Variants in TAMM41 observed in about 807,000 individuals in gnomAD.
TAMM41 encodes phosphatidate cytidylyltransferase, mitochondrial.
TAMM41 carries 36 observed loss-of-function variants against 44.1 expected under a neutral mutation model. That is an observed-to-expected ratio of 0.82 (90% CI 0.63 to 1.08). TAMM41 has a LOEUF of 1.08. Ranked by LOEUF, TAMM41 falls within the 50% of genes least tolerant of loss-of-function variation. The probability of loss-of-function intolerance (pLI) is 0.00; values close to 1 mark genes in which losing one functional copy is unlikely to be tolerated. For missense variants in TAMM41, 417 were observed against 404.3 expected (o/e 1.03, Z -0.27); for synonymous variants, 164 against 153.1 (o/e 1.07, Z -0.53).
the TAMM41 span, among the ~76,000 whole-genome samples, chr3:11,724,536 C>T: frequency 5.3e-5 from 8 of 152,148 alleles, no homozygotes; most frequent in African/African-American, 1.4e-4. Flanking sequence ...CTGCCTCAGC[C>T]TCCTGAGTAG....
chr3:11,795,414 C>G (rs1407799512), intron 7 of TAMM41, among the ~76,000 whole-genome samples: 2 of 152,156 alleles, frequency 1.3e-5, no homozygotes, highest in East Asian at 3.8e-4. Context: ...TCACCAAGAC[C>G]CAGTCGTTCC....
chr3:11,817,166 A>G (rs1264885889), intron 5 of TAMM41, 26 bp downstream of exon 5: 9 of 1,598,286 alleles, frequency 5.6e-6, no homozygotes, highest in Non-Finnish European at 6.8e-6. Flanking sequence ...TAGAAACAAT[A>G]CAAGCTATTT....
the TAMM41 span, among the ~76,000 whole-genome samples, chr3:11,722,766 C>CGA: frequency 5.3e-5 from 8 of 151,864 alleles, no homozygotes; most frequent in Non-Finnish European, 1.2e-4. Flanking sequence ...GTCAGGAGTT[C>CGA]AAGTCCAGGC....
At chr3:11,764,864 T>G in the TAMM41 span, among the ~76,000 whole-genome samples, 2 of 152,228 alleles carry the variant, frequency 1.3e-5, no homozygotes, top group African/African-American at 4.8e-5. Flanking sequence ...TATACAAACC[T>G]TTTCATATAT....
Position 11,829,880 on chromosome 3 carries a change from C to T in TAMM41, c.412-16G>A, listed in dbSNP as rs1259722056. The T allele has an allele frequency of 3.7e-6, 6 of 1,612,790 alleles. No individual in the cohort carries two copies. The highest frequency in any genetic ancestry group is 2.7e-5 in the African/African-American group (2 of 74,896). The stretch of plus-strand genomic sequence containing the variant: ...TAATTTTCACCTGAAAGAAGCAGAA[C>T]ATTGGGAAGAAAAATTCCAGAAGTG... On this transcript the variant is annotated splice_polypyrimidine_tract_variant and intron_variant, in intron 3 of 7. Coordinates refer to ENST00000455809, the MANE Select transcript of TAMM41 (RefSeq NM_001284401.2).
the TAMM41 span, among the ~76,000 whole-genome samples, chr3:11,731,897 T>C: frequency 1.3e-5 from 2 of 149,348 alleles, no homozygotes; most frequent in Non-Finnish European, 1.5e-5. Context: ...TTTTTTGAGA[T>C]GGAGTCTCAC....
chr3:11,790,709 A>C (rs1220441522), intron 7 of TAMM41, 128 bp from the exon 8 acceptor site: 1 of 736,580 alleles, frequency 1.4e-6, no homozygotes, highest in Non-Finnish European at 2.3e-6. Context: ...TGGCTCTAGG[A>C]GACCAGGGAG....
At chr3:11,762,168 T>C in the TAMM41 span, among the ~76,000 whole-genome samples, 139 of 152,210 alleles carry the variant, frequency 9.1e-4, no homozygotes, top group South Asian at 1.5e-3. Context: ...CGCAGAAATA[T>C]GTATTACATG....
intron 7 of TAMM41, among the ~76,000 whole-genome samples, chr3:11,806,938 T>C (rs1412212661): frequency 6.6e-6 from 1 of 152,066 alleles, no homozygotes; most frequent in Non-Finnish European, 1.5e-5. Flanking sequence ...AGCAATGATC[T>C]CAAAATTTTA....
chr3:11,735,441 C>T, the TAMM41 span, among the ~76,000 whole-genome samples: 87 of 151,976 alleles, frequency 5.7e-4, no homozygotes, highest in Admixed American at 5.6e-3. Context: ...TGAGACCAAC[C>T]TGGGCAACAT....
intron 3 of TAMM41, among the ~76,000 whole-genome samples, chr3:11,834,304 A>C (rs1238813901): frequency 6.6e-6 from 1 of 152,376 alleles, no homozygotes; most frequent in South Asian, 2.1e-4. Flanking sequence ...TGAATACATT[A>C]AATCAAAATC....
intron 6 of TAMM41, chr3:11,808,694 A>G: frequency 1.1e-6 from 1 of 874,658 alleles, no homozygotes; most frequent in Non-Finnish European, 1.4e-6. Context: ...CTTAAAGGGA[A>G]GTTAGTCTCT....
At chr3:11,729,914 T>G in the TAMM41 span, among the ~76,000 whole-genome samples, 1 of 152,124 alleles carries the variant, frequency 6.6e-6, no homozygotes, top group Non-Finnish European at 1.5e-5. Flanking sequence ...TGTGATCCTA[T>G]GAAGAAGATT....
At chr3:11,766,779 AG>A in the TAMM41 span, among the ~76,000 whole-genome samples, 1 of 151,976 alleles carries the variant, frequency 6.6e-6, no homozygotes, top group South Asian at 2.1e-4. Context: ...TTTGTTGCCC[AG>A]GCTGGTCTCA....
At chr3:11,843,347 G>C (rs1414400457) in intron 2 of TAMM41, among the ~76,000 whole-genome samples, 1 of 152,210 alleles carries the variant, frequency 6.6e-6, no homozygotes, top group Non-Finnish European at 1.5e-5. Context: ...AACTCTGGGG[G>C]TGGGGCCCAG....
chr3:11,743,494 G>A, the TAMM41 span, among the ~76,000 whole-genome samples: 1 of 151,740 alleles, frequency 6.6e-6, no homozygotes, highest in East Asian at 1.9e-4. Flanking sequence ...CCACCATGCC[G>A]GGTCAATTTT....
the TAMM41 span, among the ~76,000 whole-genome samples, chr3:11,761,122 C>T: frequency 4.0e-5 from 6 of 149,578 alleles, no homozygotes; most frequent in East Asian, 1.0e-3. Context: ...GAGCCGAGAT[C>T]GGGCCACTGC....
intron 7 of TAMM41, among the ~76,000 whole-genome samples, chr3:11,795,821 T>C (rs1207673453): frequency 6.6e-6 from 1 of 152,206 alleles, no homozygotes; most frequent in Non-Finnish European, 1.5e-5. Flanking sequence ...AGCTGGTCTT[T>C]TGTTGCCAGT....
At chr3:11,825,374 A>C (rs1472999376) in intron 4 of TAMM41, among the ~76,000 whole-genome samples, 19 of 152,206 alleles carry the variant, frequency 1.2e-4, no homozygotes, top group Admixed American at 1.2e-3. Context: ...GCTGAGGCAC[A>C]GAGAAGCAGG....
Sources: gnomAD v4.1 joint callset for allele counts (sites outside exome capture counted in the v4.1 genomes callset) on GRCh38, gnomAD v4.1.1 for gene constraint, MANE v1.5 for transcripts, NCBI Gene and HGNC (gene_info 2026-07-23, HGNC 2026-07-21) for gene names.